DAB1: variants seen among roughly 807,000 people sequenced by gnomAD.
DAB1 encodes the protein DAB adaptor protein 1.
Under a neutral mutation model 64.6 loss-of-function variants are expected in DAB1, and 15 were observed. The observed-to-expected ratio is 0.23, with a 90% confidence interval of 0.16 to 0.36. The LOEUF is 0.36. Ranked by LOEUF, DAB1 falls within the 10% of genes least tolerant of loss-of-function variation. The pLI, the probability that DAB1 is intolerant of heterozygous loss-of-function variation, is 1.00. For missense variants in DAB1, 596 were observed against 706.7 expected, an observed-to-expected ratio of 0.84 and a Z score of 1.78; for synonymous variants, 235 against 251.9, an observed-to-expected ratio of 0.93 and a Z score of 0.64.
chr1:58,354,142 G>T (rs1644084619), intron 3 of DAB1, among the ~76,000 whole-genome samples: 1 of 152,062 alleles, frequency 6.6e-6, no homozygotes, highest in African/African-American at 2.4e-5. Flanking sequence ...CTCTGATAGG[G>T]ATGTAATGAC....
chr1:57,210,848 A>G (rs896413270), intron 2 of DAB1, among the ~76,000 whole-genome samples: 11 of 152,146 alleles, frequency 7.2e-5, no homozygotes, highest in African/African-American at 1.9e-4. Context: ...TTCACTGCCT[A>G]TGCATGTGTA....
intron 5 of DAB1, among the ~76,000 whole-genome samples, chr1:58,103,717 A>G (rs1410473341): frequency 6.6e-6 from 1 of 151,980 alleles, no homozygotes; most frequent in Non-Finnish European, 1.5e-5. Flanking sequence ...GTATCCCCTT[A>G]AGTTTTGCCC....
At chr1:57,226,368 A>T (rs950743614) in intron 2 of DAB1, among the ~76,000 whole-genome samples, 1 of 152,074 alleles carries the variant, frequency 6.6e-6, no homozygotes, top group Non-Finnish European at 1.5e-5. Flanking sequence ...TTCTCATTTC[A>T]GTTAGTGGCA....
chr1:57,674,165 A>G (rs550655930), intron 6 of DAB1, among the ~76,000 whole-genome samples: 1 of 152,192 alleles, frequency 6.6e-6, no homozygotes, highest in Non-Finnish European at 1.5e-5. Flanking sequence ...GGTCTCTATA[A>G]ACTAGAAGTA....
At position 57,800,306 on chromosome 1, in the gene DAB1, AG is replaced by A. The variant is rs1651064418; in HGVS notation, n.551+83692del. Among the ~76,000 whole-genome samples, 5 of 152,306 alleles carry A rather than the reference AG, an allele frequency of 3.3e-5. No individual in the cohort carries two copies. The South Asian group carries it at 1.0e-3, about 32-fold the overall frequency. On this transcript the variant is annotated intron_variant and non_coding_transcript_variant, in intron 6 of 20. Coordinates refer to the DAB1 transcript ENST00000485760. ...GCTGGAGACACAATCAGCAGGACCCAGGGGACTTTTGAATGAGAAGGATCAG... is the reference window on the plus strand; with the variant it reads ...GCTGGAGACACAATCAGCAGGACCCAGGGACTTTTGAATGAGAAGGATCAG...
chr1:57,184,081 C>CA (rs11437563), intron 2 of DAB1, among the ~76,000 whole-genome samples: 19,189 of 152,046 alleles, frequency 0.13, 2,001 homozygotes, highest in African/African-American at 0.29. Context: ...ACGACTTTTC[C>CA]AAAAAGAATT....
intron 7 of DAB1, among the ~76,000 whole-genome samples, chr1:57,538,891 T>A (rs1463260647): frequency 2.6e-5 from 4 of 152,262 alleles, no homozygotes; most frequent in African/African-American, 4.8e-5. Context: ...CACAAAGACC[T>A]AAGGAGCATC....
intron 4 of DAB1, among the ~76,000 whole-genome samples, chr1:58,333,244 G>A (rs979372602): frequency 1.3e-5 from 2 of 152,064 alleles, no homozygotes; most frequent in African/African-American, 4.8e-5. Flanking sequence ...TAGAGTGTGC[G>A]CCCACTCATG....
At chr1:58,149,391 T>C (rs773075117) in intron 5 of DAB1, among the ~76,000 whole-genome samples, 1 of 152,066 alleles carries the variant, frequency 6.6e-6, no homozygotes, top group Non-Finnish European at 1.5e-5. Flanking sequence ...ATCTTGCAAG[T>C]GGGTGGTGAT....
At chr1:57,729,540 C>T (rs570542157) in intron 6 of DAB1, among the ~76,000 whole-genome samples, 1 of 152,332 alleles carries the variant, frequency 6.6e-6, no homozygotes, top group East Asian at 1.9e-4. Flanking sequence ...ACATAAATGA[C>T]AGAGCAGAGC....
intron 4 of DAB1, among the ~76,000 whole-genome samples, chr1:58,327,065 C>G (rs753511889): frequency 2.6e-4 from 40 of 152,200 alleles, no homozygotes; most frequent in Non-Finnish European, 7.3e-5. Flanking sequence ...CCATTACTAA[C>G]TAGTGCCTAT....
At chr1:57,784,532 C>T (rs928514947) in intron 6 of DAB1, among the ~76,000 whole-genome samples, 4 of 152,102 alleles carry the variant, frequency 2.6e-5, no homozygotes, top group Non-Finnish European at 2.9e-5. Flanking sequence ...GTGAAACAGC[C>T]TTATTGCTGA....
chr1:57,190,375 C>A lies in DAB1; in HGVS notation c.68-44946G>T, dbSNP rs182491044. ...GGTCTCATTCAATCCTCCTAATAAA[C>A]GTGAAAGCAGGCTTTATAAACCCTA... is the stretch of plus-strand genomic sequence containing the variant. On this transcript the variant is annotated intron_variant, in intron 2 of 14. Coordinates refer to ENST00000371236, the MANE Select transcript of DAB1 (RefSeq NM_001365792.1). Among the ~76,000 whole-genome samples the A allele has an allele frequency of 3.3e-5, 5 of 152,220 alleles. No homozygotes were observed. In the East Asian group the frequency reaches 9.7e-4, roughly 29 times the overall value.
intron 2 of DAB1, among the ~76,000 whole-genome samples, chr1:57,265,645 T>C (rs1045356580): frequency 2.0e-5 from 3 of 152,194 alleles, no homozygotes; most frequent in Non-Finnish European, 4.4e-5. Flanking sequence ...TTAGTCAAGT[T>C]TGAGTTCTCA....
At chr1:58,023,278 C>T (rs190034764) in intron 5 of DAB1, among the ~76,000 whole-genome samples, 10 of 152,224 alleles carry the variant, frequency 6.6e-5, no homozygotes, top group Admixed American at 5.9e-4. Context: ...TTATCACCCC[C>T]AGCCCACAGC....
intron 2 of DAB1, among the ~76,000 whole-genome samples, chr1:57,173,861 G>A (rs1251908837): frequency 6.6e-6 from 1 of 151,840 alleles, no homozygotes; most frequent in East Asian, 1.9e-4. Flanking sequence ...CCTTGCAGGG[G>A]GCTATGGAGT....
intron 4 of DAB1, among the ~76,000 whole-genome samples, chr1:57,078,171 T>C (rs1397387403): frequency 6.6e-6 from 1 of 152,156 alleles, no homozygotes; most frequent in Non-Finnish European, 1.5e-5. Context: ...ATGGAGTGGG[T>C]CAGAGTGAAG....
At chr1:57,024,699 A>G (rs1646730131) in intron 10 of DAB1, among the ~76,000 whole-genome samples, 1 of 152,194 alleles carries the variant, frequency 6.6e-6, no homozygotes, top group South Asian at 2.1e-4. Context: ...TGGGTGAGTC[A>G]CATGTCCTCT....
At chr1:58,265,574 A>T (rs1356988895) in intron 4 of DAB1, among the ~76,000 whole-genome samples, 3 of 152,116 alleles carry the variant, frequency 2.0e-5, no homozygotes, top group Non-Finnish European at 4.4e-5. Context: ...CAAACCAGCA[A>T]TTTTTTTTCA....
Sources: allele counts gnomAD v4.1 joint callset (sites outside exome capture counted in the v4.1 genomes callset), GRCh38; gene constraint gnomAD v4.1.1; transcripts MANE v1.5; gene names NCBI Gene and HGNC (gene_info 2026-07-23, HGNC 2026-07-21).